Variants in RNF19B observed in about 807,000 individuals in gnomAD.
RNF19B encodes the protein E3 ubiquitin-protein ligase RNF19B.
In RNF19B, 23 loss-of-function variants were observed where a neutral mutation model predicts 65.5. That is an observed-to-expected ratio of 0.35 (90% confidence interval 0.25 to 0.50). The LOEUF (loss-of-function observed/expected upper bound fraction) is 0.50, where lower values mean the gene tolerates loss of function less well. Ranked by LOEUF, RNF19B falls within the 20% of genes least tolerant of loss-of-function variation. The probability of loss-of-function intolerance (pLI) is 0.98; values close to 1 mark genes in which losing one functional copy is unlikely to be tolerated. For missense variants in RNF19B, 794 were observed against 980.0 expected (o/e 0.81, Z 2.53); for synonymous variants, 372 against 379.6 (o/e 0.98, Z 0.23).
intron 7 of RNF19B, among the ~76,000 whole-genome samples, chr1:32,940,218 T>C (rs572941312): frequency 2.6e-5 from 4 of 152,294 alleles, no homozygotes; most frequent in African/African-American, 4.8e-5. Flanking sequence ...ACTTAGGTGG[T>C]TGTCAGATGC....
At chr1:32,944,201 G>A (rs768462572) in intron 5 of RNF19B, 42 bp from the exon 6 acceptor site, 4 of 1,572,376 alleles carry the variant, frequency 2.5e-6, no homozygotes, top group African/African-American at 1.4e-5. Context: ...CTATTAGGTT[G>A]CAAGTGCCCT....
chr1:32,936,577 A>G lies in RNF19B; in HGVS notation c.*229T>C. 2 of 460,944 alleles carry G rather than the reference A, an allele frequency of 4.3e-6. No homozygotes were observed. The highest frequency in any genetic ancestry group is 8.9e-5 in the South Asian group (2 of 22,478). 28.6% of individuals were successfully genotyped at this position (460,944 alleles called of 1,614,324 possible). ...TTGCTGCCATCAGTTTAACCAATAA[A>G]TTAAAACTAAAAAGAGGGAGGGGAG... On this transcript the variant is annotated 3_prime_UTR_variant, in exon 9 of 9. Transcript: ENST00000235150.
downstream of RNF19B, among the ~76,000 whole-genome samples, chr1:32,936,176 G>A (rs1642094835): frequency 6.6e-6 from 1 of 152,150 alleles, no homozygotes; most frequent in African/African-American, 2.4e-5. Flanking sequence ...TGCTTCTAGA[G>A]GGCAAACAAA....
rs145288049 is a variant in RNF19B at position 32,944,113 on chromosome 1, G to A, written c.1308C>T (p.Pro436=). Residue 436 remains proline (P), a synonymous_variant, in exon 6 of 9, where the codon CCC becomes CCT. Coordinates refer to ENST00000235150, the MANE Select transcript of RNF19B (RefSeq NM_001300826.2). The part of the protein sequence containing the change: ...IMLAYVYGVV[P]ISLCRGGGCG... ...AGCCGCCTCCACGACAAAGAGAAAT[G>A]GGCACAACCCCATAAACATATGCCA... 7 of 1,613,886 alleles carry A rather than the reference G, an allele frequency of 4.3e-6. No individual in the cohort carries two copies. The highest frequency in any genetic ancestry group is 1.3e-5 in the African/African-American group (1 of 74,902).
chr1:32,939,356 T>C (rs1363195799), intron 7 of RNF19B, among the ~76,000 whole-genome samples: 3 of 152,114 alleles, frequency 2.0e-5, no homozygotes, highest in African/African-American at 7.2e-5. Context: ...CCCAGCTAAT[T>C]TTTGTATTTT....
chr1:32,942,550 T>C (rs948095510), intron 6 of RNF19B, 91 bp from the exon 7 acceptor site: 8 of 1,040,680 alleles, frequency 7.7e-6, no homozygotes, highest in African/African-American at 6.3e-5. Flanking sequence ...AGAGAACTAA[T>C]GTATTTACTT....
intron 1 of RNF19B, among the ~76,000 whole-genome samples, chr1:32,959,660 G>A (rs1642722924): frequency 6.6e-6 from 1 of 152,056 alleles, no homozygotes; most frequent in Admixed American, 6.5e-5. Context: ...TAAAAAATCA[G>A]TTATTTGTAT....
At chr1:32,963,085 C>G (rs1015499410) in intron 1 of RNF19B, among the ~76,000 whole-genome samples, 4 of 152,170 alleles carry the variant, frequency 2.6e-5, no homozygotes, top group African/African-American at 4.8e-5. Context: ...TCCTATCACA[C>G]CAACCTCTGG....
At chr1:32,945,868 CCTT>C (rs1315454368) in intron 4 of RNF19B, among the ~76,000 whole-genome samples, 4 of 150,218 alleles carry the variant, frequency 2.7e-5, no homozygotes, top group East Asian at 2.0e-4. Flanking sequence ...AAGCATTTTA[CCTT>C]CTTCTTTTAT....
intron 3 of RNF19B, among the ~76,000 whole-genome samples, chr1:32,947,894 A>G (rs1642405318): frequency 6.6e-6 from 1 of 152,292 alleles, no homozygotes; most frequent in African/African-American, 2.4e-5. Flanking sequence ...GGCTCTTAAA[A>G]GATAAGAACT....
chr1:32,945,753 T>C (rs751642847), intron 4 of RNF19B, 125 bp from the exon 5 acceptor site: 18 of 524,792 alleles, frequency 3.4e-5, no homozygotes, highest in Non-Finnish European at 6.2e-5. Flanking sequence ...CTACCCCAAA[T>C]AGGCATCTTT....
intron 8 of RNF19B, 120 bp from the exon 9 acceptor site, chr1:32,937,379 G>A: frequency 6.9e-7 from 1 of 1,457,570 alleles, no homozygotes; most frequent in Non-Finnish European, 9.4e-7. Context: ...GTTAACTAGA[G>A]CTCACTTTTA....
intron 1 of RNF19B, among the ~76,000 whole-genome samples, chr1:32,957,017 T>C (rs1263720121): frequency 1.3e-5 from 2 of 152,170 alleles, no homozygotes; most frequent in Non-Finnish European, 1.5e-5. Flanking sequence ...GCTCTCCCTA[T>C]TCCCCACTCC....
Position 32,949,622 on chromosome 1 carries a change from C to G in RNF19B, c.788G>C (p.Arg263Pro), listed in dbSNP as rs894401084. 1.9e-6 allele frequency: 3 copies of G among 1,613,796 alleles called. No homozygotes were observed. Among genetic ancestry groups the G allele is most frequent in the Non-Finnish European group, 2.5e-6 (3 of 1,180,030 alleles). Residue 263 changes from arginine to proline, a missense_variant, in exon 2 of 9, where the codon CGA becomes CCA. Arg to Pro is a moderately radical substitution (Grantham distance 103, BLOSUM62 -2). Around this residue, in one of 3 missense-constraint regions of RNF19B, gnomAD observed 374 missense variants for 423.8 expected, o/e 0.88. Coordinates refer to ENST00000235150, the MANE Select transcript of RNF19B (RefSeq NM_001300826.2). Reference sequence around the variant, plus strand: ...ACCTGAAGTGTGTTTGGTCCGAACTCGTAAAGTCTGGGCCCTCTGTTGACG... The same window carrying G: ...ACCTGAAGTGTGTTTGGTCCGAACTGGTAAAGTCTGGGCCCTCTGTTGACG... ...MARQQRAQTL[R>P]VRTKHTSGLS... is the part of the protein sequence containing the mutation.
intron 1 of RNF19B, among the ~76,000 whole-genome samples, chr1:32,963,769 G>A (rs1358898583): frequency 6.6e-6 from 1 of 151,356 alleles, no homozygotes; most frequent in Non-Finnish European, 1.5e-5. Context: ...TCCGGACAGA[G>A]GGCATTCCCC....
chr1:32,944,968 G>A lies in RNF19B; in HGVS notation c.1261+546C>T, dbSNP rs374581510. ...CTCCCAAAACACTGGAATTACAGGC[G>A]TGAGCCACTGCGCCCAGCCAATTAC... On this transcript the variant is annotated intron_variant, in intron 5 of 8. Coordinates refer to ENST00000235150, the MANE Select transcript of RNF19B (RefSeq NM_001300826.2). 3.2e-4 allele frequency among the ~76,000 whole-genome samples: 49 copies of A among 152,118 alleles called. 1 individual carries two copies. Among genetic ancestry groups the A allele is most frequent in the Non-Finnish European group, 1.9e-4 (13 of 68,014 alleles).
At chr1:32,958,379 A>G (rs1432856940) in intron 1 of RNF19B, among the ~76,000 whole-genome samples, 1 of 152,234 alleles carries the variant, frequency 6.6e-6, no homozygotes, top group Non-Finnish European at 1.5e-5. Flanking sequence ...AACATACCTT[A>G]GGAAATAGTG....
intron 8 of RNF19B, among the ~76,000 whole-genome samples, chr1:32,937,703 T>C (rs1642138042): frequency 6.6e-6 from 1 of 152,046 alleles, no homozygotes; most frequent in Non-Finnish European, 1.5e-5. Context: ...AGCAAGACCC[T>C]GTCTCTAAAA....
At chr1:32,937,328 C>A in intron 8 of RNF19B, 69 bp from the exon 9 acceptor site, 1 of 1,606,514 alleles carries the variant, frequency 6.2e-7, no homozygotes, top group South Asian at 1.1e-5. Context: ...AAAAGCAGTT[C>A]ATGGGTTCAG....
Sources: gnomAD v4.1 joint callset for allele counts (sites outside exome capture counted in the v4.1 genomes callset) on GRCh38, gnomAD v4.1.1 for gene constraint, gnomAD v4.1.1 regional missense constraint, MANE v1.5 for transcripts, NCBI Gene and HGNC (gene_info 2026-07-23, HGNC 2026-07-21) for gene names.